The following ELOVL7 variants were observed in gnomAD, a reference collection of about 807,000 sequenced individuals.
ELOVL7 encodes the protein very long chain fatty acid elongase 7.
ELOVL7 carries 27 observed loss-of-function variants against 35.7 expected under a neutral mutation model. The observed-to-expected ratio is 0.76, with a 90% CI of 0.56 to 1.04. The LOEUF is 1.04. ELOVL7 is among the 50% of genes least tolerant of loss of function. The pLI, the probability that ELOVL7 is intolerant of heterozygous loss-of-function variation, is 0.00. For synonymous variants in ELOVL7, 113 were observed against 114.6 expected, an observed-to-expected ratio of 0.99 and a Z score of 0.09; for missense variants, 327 against 340.8, an observed-to-expected ratio of 0.96 and a Z score of 0.32.
Position 60,844,262 on chromosome 5 carries a change from C to T in ELOVL7, c.-188G>A, listed in dbSNP as rs968184855. On this transcript the variant is annotated 5_prime_UTR_variant, in exon 1 of 9. Coordinates refer to ENST00000508821, the MANE Select transcript of ELOVL7 (RefSeq NM_024930.3). The stretch of plus-strand genomic sequence containing the variant: ...TCACAGCGGCCCCCGCTGTCCCGGC[C>T]GCCGACTGGGTTGGAAAGGGGAGGA... The T allele has an allele frequency of 2.6e-5, 4 of 152,096 alleles. No individual in the cohort carries two copies. Among genetic ancestry groups the T allele is most frequent in the Admixed American group, 2.0e-4 (3 of 15,294 alleles). 9.4% of individuals were successfully genotyped at this position (152,096 alleles called of 1,614,324 possible).
rs776491784 is a variant in ELOVL7 at position 60,766,556 on chromosome 5, T to C, written c.393+18A>G. On this transcript the variant is annotated intron_variant, in intron 6 of 8. Transcript: ENST00000508821. The stretch of plus-strand genomic sequence containing the variant: ...TTTAAGATCAAACATTTACCAAATG[T>C]GGTGGCCATATACTCACCGTATCTA... 2 of 1,583,826 alleles carry C rather than the reference T, an allele frequency of 1.3e-6. No homozygotes were observed. Among genetic ancestry groups the C allele is most frequent in the Non-Finnish European group, 1.7e-6 (2 of 1,164,494 alleles).
intron 2 of ELOVL7, among the ~76,000 whole-genome samples, chr5:60,792,327 C>T (rs1743988748): frequency 6.6e-6 from 1 of 152,110 alleles, no homozygotes; most frequent in Non-Finnish European, 1.5e-5. Context: ...TGGGACACAA[C>T]AGAAAAACCT....
chr5:60,787,841 G>C (rs1743691720), intron 2 of ELOVL7, among the ~76,000 whole-genome samples: 1 of 152,156 alleles, frequency 6.6e-6, no homozygotes, highest in Admixed American at 6.5e-5. Flanking sequence ...AAGATAAACT[G>C]ATCCTAGACT....
chr5:60,766,531 T>C lies in ELOVL7; in HGVS notation c.393+43A>G, dbSNP rs770719632. ...AAGATCAAACATTTAAGATCAAACA[T>C]TTAAGATCAAACATTTACCAAATGT... On this transcript the variant is annotated intron_variant, in intron 6 of 8. Coordinates refer to ENST00000508821, the MANE Select transcript of ELOVL7 (RefSeq NM_024930.3). 23 of 1,499,552 alleles carry C rather than the reference T, an allele frequency of 1.5e-5. No homozygotes were observed. The African/African-American group carries it at 3.1e-4, about 20-fold the overall frequency. The allele number at this position is 1,499,552 out of a possible 1,614,324, so 92.9% of individuals were successfully genotyped here.
rs1419900007 is a variant in ELOVL7 at position 60,837,204 on chromosome 5, C to T, written c.-86+6956G>A. The stretch of plus-strand genomic sequence containing the variant: ...ATCCCAGCACTTTGGGAGGCTGAGG[C>T]GGGCAGATCACCTGAGGTCGGGAGT... On this transcript the variant is annotated intron_variant, in intron 1 of 8. Coordinates refer to ENST00000508821, the MANE Select transcript of ELOVL7 (RefSeq NM_024930.3). 2.7e-5 allele frequency among the ~76,000 whole-genome samples: 4 copies of T among 149,882 alleles called. No homozygotes were observed. The East Asian group carries it at 7.8e-4, about 29-fold the overall frequency.
intron 5 of ELOVL7, 75 bp from the exon 6 acceptor site, chr5:60,766,705 T>G: frequency 4.7e-6 from 6 of 1,276,176 alleles, no homozygotes; most frequent in African/African-American, 1.5e-5. Flanking sequence ...TTTGGTAAAA[T>G]ATGCATACCA....
intron 2 of ELOVL7, among the ~76,000 whole-genome samples, chr5:60,792,267 C>T (rs549185311): frequency 1.3e-5 from 2 of 152,212 alleles, no homozygotes; most frequent in Admixed American, 1.3e-4. Flanking sequence ...ATAGTCTTTA[C>T]TATTTGTGGG....
intron 3 of ELOVL7, 127 bp downstream of exon 3, chr5:60,787,207 G>A (rs759095529): frequency 3.9e-5 from 27 of 700,238 alleles, no homozygotes; most frequent in Non-Finnish European, 5.9e-5. Flanking sequence ...CTTCCTCTTC[G>A]TTAACTAGTA....
chr5:60,760,647 C>G lies in ELOVL7; in HGVS notation c.500-3002G>C, dbSNP rs769594442. On this transcript the variant is annotated intron_variant, in intron 7 of 8. Transcript: ENST00000508821. ...GTGCAGAAGCTCTTTAGTTTAATTA[C>G]ATCCCATTTGTCAATTTTGGCTTTT... Among the ~76,000 whole-genome samples, 25 of 152,166 alleles carry G rather than the reference C, an allele frequency of 1.6e-4. 1 individual carries two copies. In the South Asian group the frequency reaches 1.7e-3, roughly 10 times the overall value.
At chr5:60,830,372 G>GTAAA (rs1406401256) in intron 1 of ELOVL7, among the ~76,000 whole-genome samples, 1 of 152,152 alleles carries the variant, frequency 6.6e-6, no homozygotes, top group East Asian at 1.9e-4. Context: ...ATAGTAACTG[G>GTAAA]GGCAGAGGGC....
At chr5:60,769,920 G>A (rs1355024178) in intron 4 of ELOVL7, among the ~76,000 whole-genome samples, 3 of 151,986 alleles carry the variant, frequency 2.0e-5, no homozygotes, top group Admixed American at 6.6e-5. Flanking sequence ...ACATAGTGGC[G>A]CATGCCTGTA....
intron 1 of ELOVL7, among the ~76,000 whole-genome samples, chr5:60,832,515 AC>A (rs1746540220): frequency 6.6e-6 from 1 of 152,094 alleles, no homozygotes; most frequent in African/African-American, 2.4e-5. Context: ...ACAGGCACCC[AC>A]CACCACACCT....
At chr5:60,755,937 G>C (rs1174900182) in intron 8 of ELOVL7, among the ~76,000 whole-genome samples, 1 of 152,094 alleles carries the variant, frequency 6.6e-6, no homozygotes, top group Non-Finnish European at 1.5e-5. Context: ...TCATGGTTAA[G>C]ATTTTCATAT....
chr5:60,781,600 T>C (rs1363010183), intron 3 of ELOVL7, among the ~76,000 whole-genome samples: 1 of 152,190 alleles, frequency 6.6e-6, no homozygotes, highest in African/African-American at 2.4e-5. Flanking sequence ...TAATTTAATA[T>C]TTTCAGCACA....
intron 5 of ELOVL7, among the ~76,000 whole-genome samples, chr5:60,767,410 C>T (rs1358979003): frequency 6.6e-6 from 1 of 152,154 alleles, no homozygotes; most frequent in Non-Finnish European, 1.5e-5. Context: ...ATCCATTTAT[C>T]TATCCATGGA....
intron 1 of ELOVL7, among the ~76,000 whole-genome samples, chr5:60,804,608 C>T (rs1251429916): frequency 1.3e-5 from 2 of 152,220 alleles, no homozygotes; most frequent in South Asian, 2.1e-4. Flanking sequence ...GTGATAAGTA[C>T]CCCAAAGGCA....
At chr5:60,819,885 G>A (rs915228989) in intron 1 of ELOVL7, among the ~76,000 whole-genome samples, 14 of 152,250 alleles carry the variant, frequency 9.2e-5, no homozygotes, top group African/African-American at 1.7e-4. Context: ...TCTCCCCTCC[G>A]CGCCTAATAT....
chr5:60,832,880 C>G (rs1032516240), intron 1 of ELOVL7, among the ~76,000 whole-genome samples: 17 of 152,158 alleles, frequency 1.1e-4, no homozygotes, highest in African/African-American at 3.9e-4. Context: ...TTAGTCACCT[C>G]TGCTAAAATA....
chr5:60,810,103 T>C (rs1426915862), intron 1 of ELOVL7, among the ~76,000 whole-genome samples: 1 of 152,222 alleles, frequency 6.6e-6, no homozygotes. Flanking sequence ...TGCTTTGCAT[T>C]TGTGGCCAGT....
Sources: allele counts gnomAD v4.1 joint callset (sites outside exome capture counted in the v4.1 genomes callset), GRCh38; gene constraint gnomAD v4.1.1; transcripts MANE v1.5; gene names NCBI Gene and HGNC (gene_info 2026-07-23, HGNC 2026-07-21).